The following CEP192 variants were observed in gnomAD, a reference collection of about 807,000 sequenced individuals.
CEP192 encodes centrosomal protein 192.
Under a neutral mutation model 271.8 loss-of-function variants are expected in CEP192, and 151 were observed. The ratio of observed to expected loss-of-function variants is 0.56; its 90% CI spans 0.49 to 0.64. The LOEUF is 0.64. Among genes scored for constraint, CEP192 ranks in the 30% least tolerant of loss-of-function variants. CEP192 has a pLI of 0.00. For synonymous variants in CEP192, 995 were observed against 1,076.5 expected, an observed-to-expected ratio of 0.92 and a Z score of 1.48; for missense variants, 2,910 against 3,020.5, an observed-to-expected ratio of 0.96 and a Z score of 0.86.
rs1470827059 is a variant in CEP192 at position 13,068,998 on chromosome 18, T to G, written c.4962+7T>G. On this transcript the variant is annotated splice_region_variant and intron_variant, in intron 25 of 44. Coordinates refer to ENST00000506447, the MANE Select transcript of CEP192 (RefSeq NM_032142.4). The stretch of plus-strand genomic sequence containing the variant: ...TGCTCCCAGGGACTTGCAGGTAGCC[T>G]CAGTCCTCCTTTCTGCCGTTACTGC... 1.9e-6 allele frequency: 3 copies of G among 1,614,042 alleles called. No individual in the cohort carries two copies. The African/African-American group carries it at 4.0e-5, about 22-fold the overall frequency.
intron 33 of CEP192, among the ~76,000 whole-genome samples, chr18:13,090,606 G>A (rs1184266252): frequency 1.3e-5 from 2 of 152,082 alleles, no homozygotes; most frequent in Admixed American, 1.3e-4. Flanking sequence ...TTAAGTGGGG[G>A]TCTAGATCAT....
intron 40 of CEP192, among the ~76,000 whole-genome samples, chr18:13,107,368 G>A (rs2040003228): frequency 6.6e-6 from 1 of 152,146 alleles, no homozygotes; most frequent in Non-Finnish European, 1.5e-5. Flanking sequence ...GCAAATTCCT[G>A]TATTCAGTTT....
At chr18:13,028,576 A>G (rs1018576635) in intron 9 of CEP192, among the ~76,000 whole-genome samples, 29 of 152,062 alleles carry the variant, frequency 1.9e-4, no homozygotes, top group Admixed American at 1.5e-3. Flanking sequence ...CTGGAGTGCA[A>G]TGGCGGGTTC....
At chr18:13,075,295 G>A (rs542972806) in intron 30 of CEP192, among the ~76,000 whole-genome samples, 2 of 147,864 alleles carry the variant, frequency 1.4e-5, no homozygotes, top group South Asian at 2.2e-4. Context: ...GGCCGGGTGC[G>A]GTGGCTCTAT....
At chr18:13,053,114 A>G (rs1055497664) in intron 18 of CEP192, 24 bp downstream of exon 18, 6 of 1,574,844 alleles carry the variant, frequency 3.8e-6, no homozygotes, top group Middle Eastern at 1.7e-4. Flanking sequence ...TGGATTATTT[A>G]TTACTAAGGC....
Position 13,008,551 on chromosome 18 carries a change from A to G in CEP192, c.386A>G (p.Glu129Gly). ...TTACAAATGGAGACAGCAGGACCAG[A>G]AGAGGAGCCAGCCGGAGCTACAGAA... Reference protein sequence around the residue: ...SALQMETAGPEEEPAGATESL... With the variant: ...SALQMETAGPGEEPAGATESL... The change falls in exon 4 of 45, where the codon GAA (glutamate) becomes GGA (glycine). Residue 129 changes from glutamate to glycine, a missense_variant. By Grantham distance (98) the Glu-to-Gly change is moderately conservative. Coordinates refer to ENST00000506447, the MANE Select transcript of CEP192 (RefSeq NM_032142.4). 1.3e-6 allele frequency: 2 copies of G among 1,551,674 alleles called. No homozygotes were observed. Among genetic ancestry groups the G allele is most frequent in the Admixed American group, 2.0e-5 (1 of 51,008 alleles).
intron 12 of CEP192, 117 bp from the exon 13 acceptor site, chr18:13,038,253 G>C (rs1247956500): frequency 1.2e-6 from 1 of 823,768 alleles, no homozygotes; most frequent in Admixed American, 2.9e-5. Flanking sequence ...TTTTTGTCTA[G>C]TTTTTCAAAA....
Position 13,068,208 on chromosome 18 carries a change from C to T in CEP192, c.4729C>T (p.His1577Tyr). 1 of 1,614,244 alleles carries T rather than the reference C, an allele frequency of 6.2e-7. No homozygotes were observed. The highest frequency in any genetic ancestry group is 8.5e-7 in the Non-Finnish European group (1 of 1,180,034). The change falls in exon 23 of 45, where the codon CAC becomes TAC. Residue 1577 changes from histidine (H) to tyrosine (Y), a missense_variant. By Grantham distance (83) the His-to-Tyr change is moderately conservative (BLOSUM62 2). Transcript: ENST00000506447. ...GCTAGCAGGCCCTTCTGTGGTCAAC[C>T]ACATGATGCCTGCTAGTTATGATGG... ...TRLAGPSVVN[H>Y]MMPASYDGQD... is the part of the protein sequence containing the mutation.
chr18:13,084,051 G>A (rs181691534), intron 30 of CEP192, among the ~76,000 whole-genome samples: 128 of 152,308 alleles, frequency 8.4e-4, no homozygotes, highest in African/African-American at 3.0e-3. Flanking sequence ...GCTGGGAGGT[G>A]TCTCCCAGCT....
chr18:13,074,542 C>G (rs2038173957), intron 30 of CEP192, among the ~76,000 whole-genome samples: 1 of 152,134 alleles, frequency 6.6e-6, no homozygotes, highest in African/African-American at 2.4e-5. Context: ...TCTAGTAAGT[C>G]TCTGGTGATT....
chr18:13,017,127 C>A (rs1173779415), intron 6 of CEP192, 61 bp from the exon 7 acceptor site: 14 of 1,345,382 alleles, frequency 1.0e-5, no homozygotes, highest in Non-Finnish European at 1.4e-5. Context: ...TTTTTAATTA[C>A]AAATTATTGC....
At chr18:13,031,570 T>G (rs1322237229) in intron 11 of CEP192, among the ~76,000 whole-genome samples, 1 of 152,128 alleles carries the variant, frequency 6.6e-6, no homozygotes, top group African/African-American at 2.4e-5. Flanking sequence ...GTTAATAGGC[T>G]TGCGCCAGAG....
intron 30 of CEP192, among the ~76,000 whole-genome samples, chr18:13,082,203 G>T (rs1342110436): frequency 6.6e-6 from 1 of 152,040 alleles, no homozygotes; most frequent in Non-Finnish European, 1.5e-5. Flanking sequence ...TTGACAGTGG[G>T]GTGTTAAAGT....
chr18:13,032,503 A>C (rs1451313340), intron 11 of CEP192, among the ~76,000 whole-genome samples: 2 of 152,214 alleles, frequency 1.3e-5, no homozygotes, highest in African/African-American at 4.8e-5. Flanking sequence ...GATATTTATC[A>C]CTTAAAAGAT....
Position 12,999,700 on chromosome 18 carries a change from G to A in CEP192, c.164+112G>A. 4.5e-6 allele frequency: 3 copies of A among 659,388 alleles called. No individual in the cohort carries two copies. In the South Asian group the frequency reaches 1.2e-4, roughly 27 times the overall value. 40.8% of individuals were successfully genotyped at this position (659,388 alleles called of 1,614,324 possible). On this transcript the variant is annotated intron_variant, in intron 2 of 44. Coordinates refer to ENST00000506447, the MANE Select transcript of CEP192 (RefSeq NM_032142.4). ...AGCTTTTTGTTTTATCTATGAGGGGGATGGCCAAATATGTGAAATGAATAT... is the reference window on the plus strand; with the variant it reads ...AGCTTTTTGTTTTATCTATGAGGGGAATGGCCAAATATGTGAAATGAATAT...
intron 15 of CEP192, among the ~76,000 whole-genome samples, chr18:13,043,428 C>T (rs529998960): frequency 7.2e-5 from 11 of 152,262 alleles, no homozygotes; most frequent in South Asian, 4.1e-4. Flanking sequence ...ACCATGACAT[C>T]GTGGGTATAT....
chr18:13,061,730 T>C (rs1335970508), intron 21 of CEP192, among the ~76,000 whole-genome samples: 1 of 152,232 alleles, frequency 6.6e-6, no homozygotes, highest in Non-Finnish European at 1.5e-5. Flanking sequence ...ACTACTGCCA[T>C]TTTGGGCTAG....
chr18:13,124,114 C>G (rs150864405), intron 44 of CEP192, among the ~76,000 whole-genome samples: 1 of 152,022 alleles, frequency 6.6e-6, no homozygotes, highest in African/African-American at 2.4e-5. Context: ...GAGTCAAGAT[C>G]ATGCCATTAC....
chr18:13,096,043 T>G, intron 35 of CEP192, 141 bp from the exon 36 acceptor site: 1 of 850,058 alleles, frequency 1.2e-6, no homozygotes, highest in Non-Finnish European at 1.8e-6. Flanking sequence ...TACCAAGGAT[T>G]GGAAATTTCT....
Sources: gnomAD v4.1 joint callset for allele counts (sites outside exome capture counted in the v4.1 genomes callset) on GRCh38, gnomAD v4.1.1 for gene constraint, MANE v1.5 for transcripts, NCBI Gene and HGNC (gene_info 2026-07-23, HGNC 2026-07-21) for gene names.